The following RERG variants were observed in gnomAD, a reference collection of about 807,000 sequenced individuals.
RERG encodes the protein ras-related and estrogen-regulated growth inhibitor.
Under a neutral mutation model 23.2 loss-of-function variants are expected in RERG, and 25 were observed. The ratio of observed to expected loss-of-function variants is 1.08; its 90% CI spans 0.79 to 1.50. The LOEUF (loss-of-function observed/expected upper bound fraction) is 1.50. RERG is among the 40% of genes most tolerant of loss of function. The probability of loss-of-function intolerance (pLI) is 0.00; values close to 1 mark genes in which losing one functional copy is unlikely to be tolerated. For missense variants in RERG, 253 were observed against 250.1 expected, an observed-to-expected ratio of 1.01 and a Z score of -0.08; for synonymous variants, 81 against 89.1, an observed-to-expected ratio of 0.91 and a Z score of 0.51.
intron 2 of RERG, chr12:15,154,268 G>T (rs76706770): frequency 0.035 from 5,281 of 152,278 alleles, 134 homozygotes; most frequent in Middle Eastern, 0.061. Flanking sequence ...AATCAATAAA[G>T]CACAGAAGCT....
chr12:15,130,992 G>A (rs951801186), intron 2 of RERG, among the ~76,000 whole-genome samples: 18 of 151,962 alleles, frequency 1.2e-4, no homozygotes, highest in African/African-American at 3.9e-4. Flanking sequence ...GCTGACACAC[G>A]ATGAGGGGAA....
chr12:15,179,694 G>C lies in RERG; in HGVS notation c.61+37735C>G, dbSNP rs1864898366. Reference sequence around the variant, plus strand: ...TGTGAGAAAATGCCTACGGGTTTTTGTATTCCAATTGCCATCCCTGAAAGC... The same window carrying C: ...TGTGAGAAAATGCCTACGGGTTTTTCTATTCCAATTGCCATCCCTGAAAGC... On this transcript the variant is annotated intron_variant, in intron 2 of 4. Transcript: ENST00000256953. Among the ~76,000 whole-genome samples, 5 of 152,198 alleles carry C rather than the reference G, an allele frequency of 3.3e-5. No individual in the cohort carries two copies. The South Asian group carries it at 1.0e-3, about 32-fold the overall frequency.
chr12:15,191,722 T>A lies in RERG; in HGVS notation c.61+25707A>T, dbSNP rs118049837. Reference sequence around the variant, plus strand: ...ACTCTAAAGACATCCCTATCATTTATCCCCTCTCTCCTCAGTCAATTCCAA... The same window carrying A: ...ACTCTAAAGACATCCCTATCATTTAACCCCTCTCTCCTCAGTCAATTCCAA... On this transcript the variant is annotated intron_variant, in intron 2 of 4. Transcript: ENST00000256953. Among the ~76,000 whole-genome samples the A allele has an allele frequency of 9.9e-4, 151 of 152,288 alleles. 2 individuals are homozygous for A. In the South Asian group the frequency reaches 0.01, roughly 10 times the overall value.
At chr12:15,211,985 A>G (rs1436865971) in intron 2 of RERG, among the ~76,000 whole-genome samples, 1 of 146,564 alleles carries the variant, frequency 6.8e-6, no homozygotes, top group Non-Finnish European at 1.5e-5. Flanking sequence ...GCTACTTCTT[A>G]TATCTGTGGT....
chr12:15,113,874 T>G (rs1264194395), intron 3 of RERG, among the ~76,000 whole-genome samples: 1 of 151,994 alleles, frequency 6.6e-6, no homozygotes, highest in Non-Finnish European at 1.5e-5. Flanking sequence ...CTCAAGAAAC[T>G]TATTTAAAAT....
At chr12:15,151,820 G>T (rs190680250) in intron 2 of RERG, 2 of 152,232 alleles carry the variant, frequency 1.3e-5, no homozygotes, top group Non-Finnish European at 2.9e-5. Flanking sequence ...TATAAATCAG[G>T]TCAGTCTTTT....
chr12:15,195,199 G>A (rs1254649263), intron 2 of RERG, among the ~76,000 whole-genome samples: 1 of 152,030 alleles, frequency 6.6e-6, no homozygotes, highest in Non-Finnish European at 1.5e-5. Flanking sequence ...TGGCAGAGTT[G>A]AGGAGATTTC....
intron 2 of RERG, among the ~76,000 whole-genome samples, chr12:15,141,527 C>T (rs370903066): frequency 2.0e-5 from 3 of 152,064 alleles, no homozygotes; most frequent in Non-Finnish European, 4.4e-5. Context: ...TTATATTACC[C>T]GTCTGTTCTT....
At chr12:15,110,669 G>A (rs1314101187) in intron 4 of RERG, among the ~76,000 whole-genome samples, 1 of 151,384 alleles carries the variant, frequency 6.6e-6, no homozygotes, top group Non-Finnish European at 1.5e-5. Flanking sequence ...TAGTAGAGAC[G>A]GGATTTCACC....
chr12:15,211,596 GTT>G (rs1167492852), intron 2 of RERG, among the ~76,000 whole-genome samples: 1 of 152,126 alleles, frequency 6.6e-6, no homozygotes, highest in Non-Finnish European at 1.5e-5. Context: ...GGAGGAAGAT[GTT>G]CTGGTGATCT....
chr12:15,129,326 CT>C (rs1864002795), intron 2 of RERG, among the ~76,000 whole-genome samples: 3 of 150,546 alleles, frequency 2.0e-5, no homozygotes, highest in Admixed American at 2.0e-4. Flanking sequence ...AATGTCAGAT[CT>C]TTAAAAAAGG....
At chr12:15,157,747 C>T (rs1864543953) in intron 2 of RERG, among the ~76,000 whole-genome samples, 1 of 152,122 alleles carries the variant, frequency 6.6e-6, no homozygotes, top group East Asian at 1.9e-4. Flanking sequence ...AAATGACTGC[C>T]TTTACTGATG....
chr12:15,121,603 A>T (rs1863832977), intron 2 of RERG, among the ~76,000 whole-genome samples: 1 of 152,212 alleles, frequency 6.6e-6, no homozygotes, highest in African/African-American at 2.4e-5. Context: ...AAGGATTTTT[A>T]TTAGAGATCT....
intron 3 of RERG, among the ~76,000 whole-genome samples, chr12:15,116,526 A>C (rs1215044873): frequency 6.6e-6 from 1 of 152,192 alleles, no homozygotes; most frequent in East Asian, 1.9e-4. Context: ...AAAAGGATAA[A>C]ATGCAGGAAA....
chr12:15,209,480 CAT>C (rs1187749521), intron 2 of RERG, among the ~76,000 whole-genome samples: 3 of 151,832 alleles, frequency 2.0e-5, no homozygotes, highest in Non-Finnish European at 1.5e-5. Context: ...CAATGAGAAA[CAT>C]ATTCTTTAGC....
chr12:15,204,704 T>A (rs900134246), intron 2 of RERG, among the ~76,000 whole-genome samples: 1 of 151,910 alleles, frequency 6.6e-6, no homozygotes, highest in African/African-American at 2.4e-5. Flanking sequence ...TTCTTCCCAT[T>A]GACTCCTATA....
At chr12:15,113,085 A>G (rs1482537310) in intron 3 of RERG, among the ~76,000 whole-genome samples, 2 of 152,222 alleles carry the variant, frequency 1.3e-5, no homozygotes, top group African/African-American at 4.8e-5. Context: ...CACTACATCA[A>G]CATCAATCCT....
At chr12:15,182,440 G>A (rs190036093) in intron 2 of RERG, among the ~76,000 whole-genome samples, 242 of 152,220 alleles carry the variant, frequency 1.6e-3, no homozygotes, top group African/African-American at 5.8e-3. Flanking sequence ...CCAAGTCTTA[G>A]CCATAATGGC....
chr12:15,219,344 C>T (rs931559354), intron 1 of RERG, among the ~76,000 whole-genome samples: 13 of 152,278 alleles, frequency 8.5e-5, no homozygotes, highest in South Asian at 2.1e-4. Flanking sequence ...AGCTATCATC[C>T]TGTACCTAAT....
Sources: allele counts gnomAD v4.1 joint callset (sites outside exome capture counted in the v4.1 genomes callset), GRCh38; gene constraint gnomAD v4.1.1; transcripts MANE v1.5; gene names NCBI Gene and HGNC (gene_info 2026-07-23, HGNC 2026-07-21).